MAP4: variants seen among roughly 807,000 people sequenced by gnomAD.
MAP4 encodes the protein microtubule-associated protein 4.
Under a neutral mutation model 170.2 loss-of-function variants are expected in MAP4, and 76 were observed. That is an observed-to-expected ratio of 0.45 (90% confidence interval 0.37 to 0.54). The LOEUF (loss-of-function observed/expected upper bound fraction) is 0.54, where lower values mean the gene tolerates loss of function less well. Ranked by LOEUF, MAP4 falls within the 20% of genes least tolerant of loss-of-function variation. MAP4 has a pLI of 0.00. For missense variants in MAP4, 2,506 were observed against 2,748.0 expected (o/e 0.91, Z 1.97); for synonymous variants, 909 against 994.5 (o/e 0.91, Z 1.62).
In MAP4 at chr3:47,911,206, C is replaced by T; in HGVS notation, c.3215G>A (p.Arg1072Lys). ...TGCTTTTACCTTCCCAGAATCTGTT[C>T]TCATTTTCCCAGAACTTCCCCTTCC... The part of the protein sequence containing the change: ...RKGRGSSGKM[R>K]TDSGKVKAKS... The change falls in exon 9 of 21, where the codon AGA (arginine) becomes AAA (lysine). Residue 1072 changes from arginine to lysine, a missense_variant. By Grantham distance (26) the Arg-to-Lys change is conservative (BLOSUM62 2). Coordinates refer to ENST00000683076, the MANE Select transcript of MAP4 (RefSeq NM_001385682.1). This position sits in a 1 kb window ranked among gnomAD's most constrained non-coding sequence, Gnocchi z 4.0. 1 of 1,536,102 alleles carries T rather than the reference C, an allele frequency of 6.5e-7. No homozygotes were observed. The highest frequency in any genetic ancestry group is 8.7e-7 in the Non-Finnish European group (1 of 1,146,920).
At chr3:47,870,546 A>G (rs1442359661) in intron 15 of MAP4, among the ~76,000 whole-genome samples, 1 of 152,154 alleles carries the variant, frequency 6.6e-6, no homozygotes, top group Non-Finnish European at 1.5e-5. Flanking sequence ...ATCCTTTTAC[A>G]TCCAAGCAAA....
At position 47,918,825 on chromosome 3, in the gene MAP4, G is replaced by A. The variant is rs756286772; in HGVS notation, c.546C>T (p.Asn182=). 3 of 1,612,888 alleles carry A rather than the reference G, an allele frequency of 1.9e-6. No individual in the cohort carries two copies. Among genetic ancestry groups the A allele is most frequent in the Non-Finnish European group, 8.5e-7 (1 of 1,179,166 alleles). ...LKDSYGMSPC[N]TAVVPQGWSV... The stretch of plus-strand genomic sequence containing the variant: ...ACCACCCCTGAGGTACAACAGCTGT[G>A]TTGCAGGGAGACATACCTAATATTG... Residue 182 remains asparagine, a synonymous_variant, in exon 6 of 21, where the codon AAC becomes AAT. Coordinates refer to ENST00000683076, the MANE Select transcript of MAP4 (RefSeq NM_001385682.1).
intron 10 of MAP4, among the ~76,000 whole-genome samples, chr3:47,898,289 G>A (rs1010527126): frequency 6.6e-6 from 1 of 152,068 alleles, no homozygotes; most frequent in Admixed American, 6.6e-5. Context: ...GGATCATGAG[G>A]TCAAGAGATC....
chr3:47,899,810 A>G (rs1051463879), intron 10 of MAP4, among the ~76,000 whole-genome samples: 16 of 152,168 alleles, frequency 1.1e-4, no homozygotes, highest in African/African-American at 3.9e-4. Context: ...CTTTGAGCTA[A>G]ATATTGTGAA....
At chr3:48,026,098 T>C (rs80343284) in intron 1 of MAP4, among the ~76,000 whole-genome samples, 210 of 152,184 alleles carry the variant, frequency 1.4e-3, no homozygotes, top group African/African-American at 4.7e-3. Context: ...ACATATACAA[T>C]TTCAGCTAAT....
chr3:48,072,500 CA>C (rs2100141521), intron 1 of MAP4, among the ~76,000 whole-genome samples: 5 of 151,466 alleles, frequency 3.3e-5, no homozygotes, highest in Admixed American at 2.6e-4. Context: ...GACTCTGTCC[CA>C]AAAAAATAAA....
chr3:48,048,420 G>C (rs1240016699), intron 1 of MAP4, among the ~76,000 whole-genome samples: 3 of 150,878 alleles, frequency 2.0e-5, no homozygotes, highest in Non-Finnish European at 4.4e-5. Context: ...CCAAGTAAAG[G>C]CCTGAAAGGA....
intron 3 of MAP4, among the ~76,000 whole-genome samples, chr3:47,967,989 G>A (rs1009483851): frequency 2.0e-5 from 3 of 152,196 alleles, no homozygotes; most frequent in East Asian, 3.9e-4. Flanking sequence ...TCCTACCAGC[G>A]ACCGACATTT....
chr3:47,888,173 G>T (rs1281585852), intron 10 of MAP4, among the ~76,000 whole-genome samples: 1 of 152,138 alleles, frequency 6.6e-6, no homozygotes, highest in African/African-American at 2.4e-5. Context: ...GATTGTAAAC[G>T]CACCAATCAG....
At chr3:48,024,077 C>T (rs977148027) in intron 1 of MAP4, among the ~76,000 whole-genome samples, 7 of 152,120 alleles carry the variant, frequency 4.6e-5, no homozygotes, top group African/African-American at 1.2e-4. Flanking sequence ...TTGGGGAGGC[C>T]GAGGCAGGTG....
chr3:47,976,098 A>G (rs1410704522), intron 3 of MAP4, among the ~76,000 whole-genome samples: 3 of 152,148 alleles, frequency 2.0e-5, no homozygotes, highest in Non-Finnish European at 4.4e-5. Context: ...CCTAGTATCT[A>G]TTTTAATACA....
At chr3:47,973,674 C>G (rs1465473312) in intron 3 of MAP4, 1 of 985,038 alleles carries the variant, frequency 1.0e-6, no homozygotes, top group Non-Finnish European at 1.2e-6. Flanking sequence ...AAAGTCATAC[C>G]CAGGCTTCTC....
chr3:47,863,937 T>TGTGTGGGGGGGGGGG (rs374208589), intron 17 of MAP4, among the ~76,000 whole-genome samples: 3 of 138,476 alleles, frequency 2.2e-5, no homozygotes, highest in Admixed American at 7.1e-5. Context: ...TGTGTGTGTG[T>TGTGTGGGGGGGGGGG]GGGGAGTGGT....
Position 47,967,897 on chromosome 3 carries a change from GGCT to G in MAP4, c.292+9965_292+9967del, listed in dbSNP as rs532667424. Among the ~76,000 whole-genome samples, 165 of 152,194 alleles carry G rather than the reference GGCT, an allele frequency of 1.1e-3. 2 individuals carry two copies. In the South Asian group the frequency reaches 0.033, roughly 30 times the overall value. ...AGGATTACTTGAACCCAGAGTTCCA[GGCT>G]GCTATGATCACACCACTGCACTCCA... On this transcript the variant is annotated intron_variant, in intron 3 of 20. Transcript: ENST00000683076.
chr3:48,024,064 C>G (rs997427371), intron 1 of MAP4, among the ~76,000 whole-genome samples: 3 of 152,200 alleles, frequency 2.0e-5, no homozygotes, highest in Non-Finnish European at 4.4e-5. Context: ...GTAATCCCAG[C>G]ACTTGGGGAG....
chr3:47,855,400 G>A lies in MAP4; in HGVS notation c.6584-40C>T. On this transcript the variant is annotated intron_variant, in intron 18 of 20. Coordinates refer to ENST00000683076, the MANE Select transcript of MAP4 (RefSeq NM_001385682.1). The surrounding 1 kb of genome is among the most constrained non-coding windows in gnomAD (Gnocchi z 5.1). ...GAACTGGTCACCTAGGGTGGCAGAG[G>A]AATATCCCTGCAGGCAAAACCAGGA... The A allele has an allele frequency of 8.0e-7, 1 of 1,254,424 alleles. No individual in the cohort carries two copies. Among genetic ancestry groups the A allele is most frequent in the Non-Finnish European group, 1.2e-6 (1 of 851,548 alleles). The allele number at this position is 1,254,424 out of a possible 1,614,324, so 77.7% of individuals were successfully genotyped here. A position where few individuals can be genotyped will look rare whatever the true frequency, so the allele number is the denominator to read the frequency against.
At chr3:48,037,217 T>C (rs1204756723) in intron 1 of MAP4, among the ~76,000 whole-genome samples, 1 of 152,202 alleles carries the variant, frequency 6.6e-6, no homozygotes, top group African/African-American at 2.4e-5. Flanking sequence ...CCTTTAGCTC[T>C]TCATGTGCTG....
intron 3 of MAP4, among the ~76,000 whole-genome samples, chr3:47,971,006 T>C (rs1224498807): frequency 6.6e-6 from 1 of 152,150 alleles, no homozygotes; most frequent in African/African-American, 2.4e-5. Context: ...TCCTAAACAC[T>C]CTAAACGTAA....
At chr3:48,020,894 G>C (rs940713453), upstream of MAP4, among the ~76,000 whole-genome samples, 1 of 151,786 alleles carries the variant, frequency 6.6e-6, no homozygotes, top group Non-Finnish European at 1.5e-5. Flanking sequence ...AAGCTCCTGG[G>C]CTCAAGCGAT....
Sources: gnomAD v4.1 joint callset for allele counts (sites outside exome capture counted in the v4.1 genomes callset) on GRCh38, gnomAD v4.1.1 for gene constraint, Gnocchi (gnomAD v3.1) non-coding constraint, MANE v1.5 for transcripts, NCBI Gene and HGNC (gene_info 2026-07-23, HGNC 2026-07-21) for gene names.